Variants in NEGR1 observed in about 807,000 individuals in gnomAD.
NEGR1 encodes the protein neuronal growth regulator 1.
In NEGR1, 10 loss-of-function variants were observed where a neutral mutation model predicts 40.9. The observed-to-expected ratio is 0.24, with a 90% CI of 0.15 to 0.42. The LOEUF (loss-of-function observed/expected upper bound fraction) is 0.42, where lower values mean the gene tolerates loss of function less well. Among genes scored for constraint, NEGR1 ranks in the 10% least tolerant of loss-of-function variants. The pLI is 1.00. For synonymous variants in NEGR1, 185 were observed against 166.8 expected (o/e 1.11, Z -0.84); for missense variants, 352 against 438.9 (o/e 0.80, Z 1.77).
intron 1 of NEGR1, among the ~76,000 whole-genome samples, chr1:72,142,045 C>CTA (rs1650697495): frequency 6.6e-6 from 1 of 151,870 alleles, no homozygotes; most frequent in Non-Finnish European, 1.5e-5. Flanking sequence ...CATAAATAAA[C>CTA]CAATAGAGTA....
At chr1:71,526,194 C>G (rs1647214383) in intron 6 of NEGR1, among the ~76,000 whole-genome samples, 1 of 151,402 alleles carries the variant, frequency 6.6e-6, no homozygotes, top group Non-Finnish European at 1.5e-5. Context: ...TATATTCAGG[C>G]ATATTAATTG....
intron 6 of NEGR1, among the ~76,000 whole-genome samples, chr1:71,451,515 T>C (rs1458800371): frequency 6.6e-6 from 1 of 151,988 alleles, no homozygotes; most frequent in Non-Finnish European, 1.5e-5. Context: ...TTTGTATTTT[T>C]AGTAGAGACA....
chr1:71,469,096 G>C (rs1403533824), intron 6 of NEGR1, among the ~76,000 whole-genome samples: 1 of 152,014 alleles, frequency 6.6e-6, no homozygotes, highest in Non-Finnish European at 1.5e-5. Flanking sequence ...TGAAAAGCTT[G>C]TTCCTCCTTT....
At chr1:72,105,887 A>C (rs1649115347) in intron 1 of NEGR1, among the ~76,000 whole-genome samples, 1 of 152,136 alleles carries the variant, frequency 6.6e-6, no homozygotes, top group Non-Finnish European at 1.5e-5. Flanking sequence ...GGCAGTGTTA[A>C]GTTTACTGAG....
chr1:71,783,775 CG>C (rs1557651079), intron 2 of NEGR1, among the ~76,000 whole-genome samples: 1 of 152,086 alleles, frequency 6.6e-6, no homozygotes, highest in East Asian at 1.9e-4. Context: ...TTCTGTCCTT[CG>C]TGGGGTCACC....
At chr1:71,771,722 A>AAAAAAAAAAGG (rs1656333440) in intron 3 of NEGR1, among the ~76,000 whole-genome samples, 7 of 148,270 alleles carry the variant, frequency 4.7e-5, no homozygotes, top group East Asian at 2.0e-4. Context: ...AAAAAAAAAA[A>AAAAAAAAAAGG]GGTGTGAATC....
intron 1 of NEGR1, among the ~76,000 whole-genome samples, chr1:72,118,937 C>A (rs927394823): frequency 1.3e-5 from 2 of 151,500 alleles, no homozygotes; most frequent in South Asian, 2.1e-4. Flanking sequence ...CCATTCCCCA[C>A]AATATTAAAA....
At chr1:71,455,273 T>C (rs956896774) in intron 6 of NEGR1, among the ~76,000 whole-genome samples, 2 of 152,210 alleles carry the variant, frequency 1.3e-5, no homozygotes, top group African/African-American at 4.8e-5. Flanking sequence ...CGGTACATAA[T>C]ACCTACCCTC....
chr1:72,113,002 T>C (rs1649436792), intron 1 of NEGR1, among the ~76,000 whole-genome samples: 1 of 151,764 alleles, frequency 6.6e-6, no homozygotes. Context: ...GCAAGAAGTC[T>C]CCGACTTCCA....
At chr1:71,875,519 C>A (rs1660400792) in intron 2 of NEGR1, among the ~76,000 whole-genome samples, 1 of 152,104 alleles carries the variant, frequency 6.6e-6, no homozygotes, top group African/African-American at 2.4e-5. Flanking sequence ...AACAGGGATG[C>A]TGAAACTGTT....
intron 6 of NEGR1, among the ~76,000 whole-genome samples, chr1:71,499,017 G>T (rs1646982930): frequency 6.6e-6 from 1 of 152,160 alleles, no homozygotes; most frequent in Non-Finnish European, 1.5e-5. Context: ...TTCTGAGGCA[G>T]CAAGACACAT....
At chr1:71,442,323 G>A (rs1646553610) in intron 6 of NEGR1, among the ~76,000 whole-genome samples, 1 of 145,334 alleles carries the variant, frequency 6.9e-6, no homozygotes, top group Non-Finnish European at 1.5e-5. Context: ...TTAAATAATT[G>A]GACATTTTCA....
chr1:71,754,906 C>T (rs191689036), intron 3 of NEGR1, among the ~76,000 whole-genome samples: 2 of 151,438 alleles, frequency 1.3e-5, no homozygotes, highest in East Asian at 3.9e-4. Flanking sequence ...TCTTTCAAAT[C>T]TTCAGATACT....
intron 1 of NEGR1, among the ~76,000 whole-genome samples, chr1:72,065,009 T>C (rs1540616): frequency 0.44 from 66,123 of 151,856 alleles, 14,887 homozygotes; most frequent in Admixed American, 0.5. Context: ...AAATATCAAA[T>C]ATTCCTGAGT....
chr1:72,264,097 T>C (rs760947371), intron 1 of NEGR1, among the ~76,000 whole-genome samples: 11 of 151,404 alleles, frequency 7.3e-5, no homozygotes, highest in Non-Finnish European at 1.6e-4. Context: ...TGGAGTCCAC[T>C]GAAAATGAAA....
chr1:71,423,046 A>G (rs1646407717), intron 6 of NEGR1: 1 of 152,118 alleles, frequency 6.6e-6, no homozygotes, highest in African/African-American at 2.4e-5. Context: ...GAGTCTGTAA[A>G]TACAGTTTAT....
At chr1:71,538,972 C>A (rs1647598604) in intron 6 of NEGR1, among the ~76,000 whole-genome samples, 1 of 151,838 alleles carries the variant, frequency 6.6e-6, no homozygotes, top group East Asian at 2.0e-4. Context: ...TCAAATACTT[C>A]ACTAGGTTAC....
intron 3 of NEGR1, among the ~76,000 whole-genome samples, chr1:71,750,004 T>TTTTTTTTTTTTTTTTTG (rs34032960): frequency 6.6e-6 from 1 of 150,484 alleles, no homozygotes. Flanking sequence ...TTTTTTTTTT[T>TTTTTTTTTTTTTTTTTG]GAGACGGAGT....
intron 2 of NEGR1, among the ~76,000 whole-genome samples, chr1:71,873,074 T>A: frequency 8.3e-6 from 1 of 121,174 alleles, no homozygotes; most frequent in Admixed American, 1.0e-4. Context: ...TGGAAAACGG[T>A]AGAAATTGGG....
Sources: gnomAD v4.1 joint callset for allele counts (sites outside exome capture counted in the v4.1 genomes callset) on GRCh38, gnomAD v4.1.1 for gene constraint, MANE v1.5 for transcripts, NCBI Gene and HGNC (gene_info 2026-07-23, HGNC 2026-07-21) for gene names.